GABRA3: variants seen among roughly 807,000 people sequenced by gnomAD.
The protein encoded by GABRA3 is gamma-aminobutyric acid receptor subunit alpha-3.
GABRA3 carries 10 observed loss-of-function variants against 30.1 expected under a neutral mutation model. The observed-to-expected ratio is 0.33, with a 90% CI of 0.20 to 0.56. The LOEUF (loss-of-function observed/expected upper bound fraction) is 0.56, where lower values mean the gene tolerates loss of function less well. Ranked by LOEUF, GABRA3 falls within the 20% of genes least tolerant of loss-of-function variation. The pLI is 0.89. For missense variants in GABRA3, 233 were observed against 392.0 expected, an observed-to-expected ratio of 0.59 and a Z score of 3.42; for synonymous variants, 151 against 146.8, an observed-to-expected ratio of 1.03 and a Z score of -0.21.
chrX:152,306,272 C>T (rs1939719418), intron 3 of GABRA3, among the ~76,000 whole-genome samples: 1 of 111,676 alleles, frequency 9.0e-6, no homozygotes, highest in Admixed American at 9.5e-5. Flanking sequence ...TTTTGGAGAG[C>T]AATTGGGCAA....
At chrX:152,405,259 G>A (rs1459776704) in intron 1 of GABRA3, among the ~76,000 whole-genome samples, 3 of 97,372 alleles carry the variant, frequency 3.1e-5, no homozygotes, top group African/African-American at 7.7e-5. Flanking sequence ...CTGGTGCCAC[G>A]GTGCATCTAC....
chrX:152,282,589 T>C (rs2124437766), intron 4 of GABRA3, among the ~76,000 whole-genome samples: 1 of 111,687 alleles, frequency 9.0e-6, no homozygotes, highest in East Asian at 2.8e-4. Context: ...AGCTAAATAA[T>C]GAGGAATAAA....
Position 152,430,568 on chromosome X carries a change from T to G in GABRA3, c.-27+20578A>C, listed in dbSNP as rs141682394. ...CAAGCACTGCCTCAAAAACTTGACC[T>G]TTGATATCTTCAAGGAATAAAAGCC... On this transcript the variant is annotated intron_variant, in intron 1 of 9. Coordinates refer to ENST00000370314, the MANE Select transcript of GABRA3 (RefSeq NM_000808.4). 4.5e-4 allele frequency among the ~76,000 whole-genome samples: 50 copies of G among 111,473 alleles called. 1 individual carries two copies. The East Asian group carries it at 0.014, about 30-fold the overall frequency.
intron 1 of GABRA3, among the ~76,000 whole-genome samples, chrX:152,415,682 G>C (rs1357802786): frequency 1.8e-5 from 2 of 111,230 alleles, no homozygotes; most frequent in African/African-American, 6.5e-5. Flanking sequence ...AGTTAACATT[G>C]TACTACCGTC....
chrX:152,298,349 T>A (rs1330406056), intron 3 of GABRA3, among the ~76,000 whole-genome samples: 1 of 110,060 alleles, frequency 9.1e-6, no homozygotes, highest in Admixed American at 9.6e-5. Context: ...ACATTAGGTA[T>A]ATCTCCTAAT....
At chrX:152,424,143 C>A (rs980474558) in intron 1 of GABRA3, among the ~76,000 whole-genome samples, 2 of 110,489 alleles carry the variant, frequency 1.8e-5, no homozygotes, top group Non-Finnish European at 3.8e-5. Flanking sequence ...AGCATTCTCC[C>A]AAAATCAAAT....
chrX:152,182,797 A>T (rs1183228992), intron 9 of GABRA3, among the ~76,000 whole-genome samples: 7 of 90,086 alleles, frequency 7.8e-5, no homozygotes, highest in Non-Finnish European at 1.3e-4. Context: ...TATATACTAT[A>T]TATGTATATA....
intron 4 of GABRA3, among the ~76,000 whole-genome samples, chrX:152,258,116 C>A (rs1938668208): frequency 9.0e-6 from 1 of 111,369 alleles, no homozygotes; most frequent in African/African-American, 3.3e-5. Context: ...ATTAGAGCCC[C>A]TCCAAGGACT....
At chrX:152,365,441 C>T (rs150959993) in intron 1 of GABRA3, among the ~76,000 whole-genome samples, 349 of 111,137 alleles carry the variant, frequency 3.1e-3, no homozygotes, top group African/African-American at 0.011. Context: ...ATAAGGAAGG[C>T]TGTTTTATGA....
chrX:152,314,108 C>T (rs1167658696), intron 3 of GABRA3, among the ~76,000 whole-genome samples: 1 of 111,821 alleles, frequency 8.9e-6, no homozygotes, highest in Non-Finnish European at 1.9e-5. Flanking sequence ...TCCAAGCACA[C>T]CAGGACTTCC....
chrX:152,276,932 CAG>C (rs1939096768), intron 4 of GABRA3, among the ~76,000 whole-genome samples: 1 of 111,518 alleles, frequency 9.0e-6, no homozygotes, highest in Non-Finnish European at 1.9e-5. Context: ...GGGAGGGAAA[CAG>C]GGAAATGGTA....
intron 1 of GABRA3, among the ~76,000 whole-genome samples, chrX:152,389,689 C>T (rs1244606887): frequency 9.0e-6 from 1 of 111,461 alleles, no homozygotes; most frequent in Admixed American, 9.6e-5. Flanking sequence ...TACCCTAAGA[C>T]AACTGCAAAA....
Position 152,375,886 on chromosome X carries a change from CAGAAGAGACAAACCACCCA to C in GABRA3, c.-26-11309_-26-11291del, listed in dbSNP as rs765329768. On this transcript the variant is annotated intron_variant, in intron 1 of 9. Transcript: ENST00000370314. ...TCTTTCAGTACAAAGTCAAGATGAT[CAGAAGAGACAAACCACCCA>C]TATTAGACACTAGCTAATTATTAAT... 2.4e-3 allele frequency among the ~76,000 whole-genome samples: 265 copies of C among 111,935 alleles called. 3 individuals are homozygous for C. The highest frequency in any genetic ancestry group is 8.1e-3 in the African/African-American group (250 of 30,803).
chrX:152,171,662 C>A (rs1937004275), intron 9 of GABRA3, among the ~76,000 whole-genome samples: 2 of 111,364 alleles, frequency 1.8e-5, no homozygotes, highest in African/African-American at 3.3e-5. Context: ...AAAATACCCA[C>A]CATTGAAGAT....
chrX:152,244,296 G>A (rs1000401480), intron 5 of GABRA3, among the ~76,000 whole-genome samples: 4 of 111,689 alleles, frequency 3.6e-5, no homozygotes, highest in African/African-American at 9.8e-5. Context: ...GAATGTTTGT[G>A]TCCCCCTGAA....
chrX:152,224,676 T>A lies in GABRA3; in HGVS notation c.634+87A>T, dbSNP rs139656090. On this transcript the variant is annotated intron_variant, in intron 6 of 9. Transcript: ENST00000370314. ...GATTAAAGGCCTCAGCTTTAGAAAC[T>A]TGCAGTGGACAGAATATAATATGTT... is the stretch of plus-strand genomic sequence containing the variant. 2,887 of 669,665 alleles carry A rather than the reference T, an allele frequency of 4.3e-3. 5 individuals carry two copies. Among genetic ancestry groups the A allele is most frequent in the Middle Eastern group, 5.7e-3 (18 of 3,131 alleles). 55.2% of individuals were successfully genotyped at this position (669,665 alleles called of 1,213,427 possible).
intron 3 of GABRA3, among the ~76,000 whole-genome samples, chrX:152,288,951 G>C (rs1204358090): frequency 1.8e-5 from 2 of 110,500 alleles, no homozygotes; most frequent in Non-Finnish European, 3.8e-5. Flanking sequence ...ATTTACTGCA[G>C]TATTGGAAGC....
Position 152,168,445 on chromosome X carries a change from G to A in GABRA3, c.1262C>T (p.Ala421Val). 8.3e-7 allele frequency: 1 copy of A among 1,209,890 alleles called. No individual in the cohort carries two copies. Among genetic ancestry groups the A allele is most frequent in the Non-Finnish European group, 1.1e-6 (1 of 894,898 alleles). ...TEFSTISKGAAPSASSTPTII... is the reference protein window; with the variant it reads ...TEFSTISKGAVPSASSTPTII... ...TGTTGGGGTTGAGGAGGCACTGGGA[G>A]CAGCGCCCTTGGAGATGGTGGAAAA... Residue 421 changes from alanine (A) to valine (V), a missense_variant, in exon 10 of 10, where the codon GCT becomes GTT. This residue lies in a region of GABRA3 where 66 missense variants were observed against 57.1 expected (regional missense o/e 1.16). Transcript: ENST00000370314.
At chrX:152,290,257 T>G (rs1479844137) in intron 3 of GABRA3, among the ~76,000 whole-genome samples, 2 of 112,486 alleles carry the variant, frequency 1.8e-5, no homozygotes, top group Non-Finnish European at 3.7e-5. Context: ...ATTTCTCTGA[T>G]GACCAGTGAT....
Sources: gnomAD v4.1 joint callset for allele counts (sites outside exome capture counted in the v4.1 genomes callset) on GRCh38, gnomAD v4.1.1 for gene constraint, gnomAD v4.1.1 regional missense constraint, MANE v1.5 for transcripts, NCBI Gene and HGNC (gene_info 2026-07-23, HGNC 2026-07-21) for gene names.